The following GPC6 variants were observed in gnomAD, a reference collection of about 807,000 sequenced individuals.
GPC6 encodes glypican 6.
GPC6 carries 14 observed loss-of-function variants against 55.2 expected under a neutral mutation model. The ratio of observed to expected loss-of-function variants is 0.25; its 90% confidence interval spans 0.17 to 0.40. GPC6 has a LOEUF of 0.40. Among genes scored for constraint, GPC6 ranks in the 10% least tolerant of loss-of-function variants. The pLI is 1.00. For missense variants in GPC6, 641 were observed against 708.5 expected, an observed-to-expected ratio of 0.90 and a Z score of 1.08; for synonymous variants, 278 against 259.6, an observed-to-expected ratio of 1.07 and a Z score of -0.68.
chr13:93,523,193 G>A (rs1799448424), intron 1 of GPC6, among the ~76,000 whole-genome samples: 2 of 139,284 alleles, frequency 1.4e-5, no homozygotes, highest in African/African-American at 5.3e-5. Context: ...ACACATATAT[G>A]GATAATATTG....
chr13:94,163,417 G>A (rs1033683466), intron 4 of GPC6, among the ~76,000 whole-genome samples: 13 of 151,438 alleles, frequency 8.6e-5, no homozygotes, highest in Admixed American at 7.2e-4. Context: ...AAATTCTCAT[G>A]TATGTATCTC....
chr13:93,857,905 G>A (rs573028551), intron 3 of GPC6, among the ~76,000 whole-genome samples: 2 of 151,468 alleles, frequency 1.3e-5, no homozygotes, highest in African/African-American at 4.8e-5. Flanking sequence ...AATGATCTTT[G>A]TGGGCCATAG....
intron 1 of GPC6, among the ~76,000 whole-genome samples, chr13:93,401,901 G>C (rs544456298): frequency 6.6e-6 from 1 of 151,968 alleles, no homozygotes; most frequent in Non-Finnish European, 1.5e-5. Flanking sequence ...TAAGAATAAG[G>C]TTGGGGGAAG....
intron 1 of GPC6, among the ~76,000 whole-genome samples, chr13:93,372,920 CCAGA>C (rs1874735887): frequency 6.6e-6 from 1 of 152,138 alleles, no homozygotes; most frequent in Non-Finnish European, 1.5e-5. Flanking sequence ...TCTGTTGTGA[CCAGA>C]CAGATGGGTG....
intron 1 of GPC6, among the ~76,000 whole-genome samples, chr13:93,328,000 T>A (rs1879715513): frequency 6.6e-6 from 1 of 151,942 alleles, no homozygotes; most frequent in Non-Finnish European, 1.5e-5. Flanking sequence ...AAAACAACTT[T>A]AAAAAAATGG....
intron 1 of GPC6, among the ~76,000 whole-genome samples, chr13:93,403,625 TTCTG>T (rs1244167993): frequency 6.6e-6 from 1 of 152,198 alleles, no homozygotes; most frequent in Non-Finnish European, 1.5e-5. Flanking sequence ...TAAACACTGT[TTCTG>T]TCTGATTATT....
At chr13:94,398,085 T>G (rs578091961) in intron 7 of GPC6, among the ~76,000 whole-genome samples, 1 of 152,292 alleles carries the variant, frequency 6.6e-6, no homozygotes, top group East Asian at 1.9e-4. Context: ...TATGTGGAAC[T>G]GTGAATCTAT....
At chr13:94,069,483 C>A (rs1884653061) in intron 4 of GPC6, among the ~76,000 whole-genome samples, 1 of 152,208 alleles carries the variant, frequency 6.6e-6, no homozygotes, top group Non-Finnish European at 1.5e-5. Flanking sequence ...ATGCAAATTT[C>A]TGGAGCTAGC....
chr13:93,653,349 A>C (rs1880505503), intron 2 of GPC6, among the ~76,000 whole-genome samples: 1 of 152,150 alleles, frequency 6.6e-6, no homozygotes, highest in South Asian at 2.1e-4. Context: ...ATTCTTCCTT[A>C]AATAAGGATA....
At chr13:94,007,687 A>T (rs1026970181) in intron 3 of GPC6, among the ~76,000 whole-genome samples, 1 of 152,072 alleles carries the variant, frequency 6.6e-6, no homozygotes, top group Non-Finnish European at 1.5e-5. Flanking sequence ...TTAAACCATT[A>T]TGACCCATCA....
At chr13:93,769,455 C>G (rs1885222623) in intron 2 of GPC6, among the ~76,000 whole-genome samples, 1 of 151,722 alleles carries the variant, frequency 6.6e-6, no homozygotes. Context: ...AAAAGACAGC[C>G]CCAAAAAGCA....
chr13:93,273,801 A>T (rs913219099), intron 1 of GPC6, among the ~76,000 whole-genome samples: 5 of 151,780 alleles, frequency 3.3e-5, no homozygotes, highest in African/African-American at 9.7e-5. Flanking sequence ...TTTATTTTTT[A>T]TTTTTTTATT....
chr13:93,423,593 G>T (rs1186818851), intron 1 of GPC6, among the ~76,000 whole-genome samples: 1 of 151,952 alleles, frequency 6.6e-6, no homozygotes, highest in Admixed American at 6.6e-5. Flanking sequence ...TTTTTCCGCG[G>T]TTGCTAAGTT....
chr13:94,141,303 T>C (rs557062014), intron 4 of GPC6, among the ~76,000 whole-genome samples: 1 of 152,208 alleles, frequency 6.6e-6, no homozygotes, highest in East Asian at 1.9e-4. Context: ...TGTCTAGAAA[T>C]TTGGAATCAG....
chr13:93,703,663 G>A (rs886377742), intron 2 of GPC6, among the ~76,000 whole-genome samples: 4 of 151,768 alleles, frequency 2.6e-5, no homozygotes, highest in African/African-American at 9.7e-5. Context: ...AAATGAGAAA[G>A]TAACAAAGAT....
At chr13:93,382,716 G>A (rs551391557) in intron 1 of GPC6, among the ~76,000 whole-genome samples, 6 of 152,250 alleles carry the variant, frequency 3.9e-5, no homozygotes, top group African/African-American at 1.4e-4. Flanking sequence ...TCATTAGTGG[G>A]AATATCATTC....
intron 4 of GPC6, among the ~76,000 whole-genome samples, chr13:94,102,734 G>A (rs1334303963): frequency 6.6e-6 from 1 of 152,120 alleles, no homozygotes; most frequent in Non-Finnish European, 1.5e-5. Flanking sequence ...TCAGGTGACA[G>A]AAAGTAGAGT....
Position 94,317,238 on chromosome 13 carries a change from G to A in GPC6, c.1152+11115G>A, listed in dbSNP as rs572004600. On this transcript the variant is annotated intron_variant, in intron 6 of 8. Transcript: ENST00000377047. Reference sequence around the variant, plus strand: ...TTCATAAATTATTTATGCATGATGAGGCAGGAAACCAATGACTTTGTAAAT... The same window carrying A: ...TTCATAAATTATTTATGCATGATGAAGCAGGAAACCAATGACTTTGTAAAT... Among the ~76,000 whole-genome samples, 5 of 152,246 alleles carry A rather than the reference G, an allele frequency of 3.3e-5. No individual in the cohort carries two copies. The South Asian group carries it at 8.3e-4, about 25-fold the overall frequency.
intron 4 of GPC6, among the ~76,000 whole-genome samples, chr13:94,083,982 A>G (rs1311171312): frequency 6.6e-6 from 1 of 152,158 alleles, no homozygotes; most frequent in Non-Finnish European, 1.5e-5. Flanking sequence ...AATAACTTAA[A>G]CCATTTTATC....
Sources: gnomAD v4.1 joint callset for allele counts (sites outside exome capture counted in the v4.1 genomes callset) on GRCh38, gnomAD v4.1.1 for gene constraint, MANE v1.5 for transcripts, NCBI Gene and HGNC (gene_info 2026-07-23, HGNC 2026-07-21) for gene names.